SREK1IP1: variants seen among roughly 807,000 people sequenced by gnomAD.
The protein encoded by SREK1IP1 is protein SREK1IP1.
A neutral mutation model predicts 22.8 loss-of-function variants in SREK1IP1; 12 were observed. The observed-to-expected ratio is 0.53, with a 90% CI of 0.34 to 0.85. The LOEUF (loss-of-function observed/expected upper bound fraction) is 0.85, where lower values mean the gene tolerates loss of function less well. SREK1IP1 is among the 40% of genes least tolerant of loss of function. The pLI, the probability that SREK1IP1 is intolerant of heterozygous loss-of-function variation, is 0.02. For missense variants in SREK1IP1, 147 were observed against 171.8 expected (o/e 0.86, Z 0.81); for synonymous variants, 53 against 52.7 (o/e 1.01, Z -0.02).
chr5:64,724,120 C>A lies in SREK1IP1; in HGVS notation c.*264G>T, dbSNP rs1742220583. 2 of 261,812 alleles carry A rather than the reference C, an allele frequency of 7.6e-6. No homozygotes were observed. The highest frequency in any genetic ancestry group is 1.4e-5 in the Non-Finnish European group (2 of 138,638). 16.2% of individuals were successfully genotyped at this position (261,812 alleles called of 1,614,324 possible). On this transcript the variant is annotated 3_prime_UTR_variant, in exon 5 of 5. Transcript: ENST00000513458. ...AACACTAGCCAAACACACAGAGACA[C>A]AAATACCAAAAATGATGTGTTTAGT...
chr5:64,743,573 T>C (rs996967634), intron 2 of SREK1IP1, among the ~76,000 whole-genome samples: 1 of 152,206 alleles, frequency 6.6e-6, no homozygotes, highest in Non-Finnish European at 1.5e-5. Context: ...CTTAAAATTA[T>C]ACAAGTATTG....
chr5:64,756,421 T>C (rs529517704), intron 1 of SREK1IP1, among the ~76,000 whole-genome samples: 2 of 152,306 alleles, frequency 1.3e-5, no homozygotes, highest in South Asian at 4.1e-4. Flanking sequence ...ACAATATTTG[T>C]CTTTTGGGCC....
intron 1 of SREK1IP1, among the ~76,000 whole-genome samples, chr5:64,767,822 G>C (rs148251758): frequency 6.6e-6 from 1 of 152,178 alleles, no homozygotes; most frequent in Non-Finnish European, 1.5e-5. Context: ...CTGGTTTGAG[G>C]AGATGCTTTC....
chr5:64,754,969 T>A (rs540098636), intron 1 of SREK1IP1, among the ~76,000 whole-genome samples: 52 of 152,014 alleles, frequency 3.4e-4, no homozygotes, highest in African/African-American at 1.3e-3. Flanking sequence ...AAGCTCCACA[T>A]CACTAATCAT....
intron 1 of SREK1IP1, among the ~76,000 whole-genome samples, chr5:64,755,900 A>T (rs749802639): frequency 2.0e-5 from 3 of 151,934 alleles, no homozygotes; most frequent in Non-Finnish European, 4.4e-5. Flanking sequence ...CCTGTTTTCC[A>T]TTAGAAGGAA....
intron 4 of SREK1IP1, among the ~76,000 whole-genome samples, chr5:64,727,295 G>A (rs986738629): frequency 9.9e-5 from 15 of 151,512 alleles, no homozygotes; most frequent in Non-Finnish European, 1.6e-4. Flanking sequence ...GAAACTGCAC[G>A]CATTAACAAG....
chr5:64,761,955 TA>T (rs2112116480), intron 1 of SREK1IP1, among the ~76,000 whole-genome samples: 1 of 152,064 alleles, frequency 6.6e-6, no homozygotes, highest in South Asian at 2.1e-4. Flanking sequence ...GGGACAAAAA[TA>T]AAAGGACTGA....
chr5:64,736,206 C>A (rs936868108), intron 3 of SREK1IP1, among the ~76,000 whole-genome samples: 1 of 150,256 alleles, frequency 6.7e-6, no homozygotes, highest in Non-Finnish European at 1.5e-5. Context: ...TTGATAGGTA[C>A]ACTTAAAAAA....
intron 3 of SREK1IP1, among the ~76,000 whole-genome samples, chr5:64,734,696 ATT>A (rs1367694296): frequency 8.9e-6 from 1 of 112,108 alleles, no homozygotes; most frequent in Non-Finnish European, 1.6e-5. Flanking sequence ...TATCTGTAAA[ATT>A]TTAACTTGAT....
intron 1 of SREK1IP1, among the ~76,000 whole-genome samples, chr5:64,767,105 A>C (rs569209647): frequency 3.3e-5 from 5 of 152,156 alleles, no homozygotes; most frequent in Non-Finnish European, 7.4e-5. Flanking sequence ...CATCCATAGA[A>C]AACATCTTTC....
chr5:64,768,614 C>A lies in SREK1IP1; in HGVS notation c.-97G>T, dbSNP rs1252456267. ...CAAGGCACAGTCAAAGCGGCGTTTT[C>A]CTTCCCCCAGCGCAGCAGCACCCTC... On this transcript the variant is annotated 5_prime_UTR_variant, in exon 1 of 5. Transcript: ENST00000513458. The A allele has an allele frequency of 1.9e-6, 3 of 1,580,822 alleles. No individual in the cohort carries two copies. The highest frequency in any genetic ancestry group is 2.6e-6 in the Non-Finnish European group (3 of 1,153,590).
At chr5:64,740,335 GATGTAACTGAGA>G (rs1742532558) in intron 3 of SREK1IP1, among the ~76,000 whole-genome samples, 1 of 152,050 alleles carries the variant, frequency 6.6e-6, no homozygotes, top group Admixed American at 6.6e-5. Flanking sequence ...CTTTTAGTAG[GATGTAACTGAGA>G]TTGCTTATGG....
intron 1 of SREK1IP1, 85 bp downstream of exon 1, chr5:64,768,420 T>C: frequency 2.5e-6 from 4 of 1,576,744 alleles, no homozygotes; most frequent in Non-Finnish European, 3.5e-6. Context: ...CCATGGGCGC[T>C]GCTCCGTACA....
rs1742125976 is a variant in SREK1IP1, at chr5:64,719,807, A to G, written c.*4577T>C. The G allele has an allele frequency of 3.3e-5, 5 of 152,242 alleles. No individual in the cohort carries two copies. 9.4% of individuals were successfully genotyped at this position (152,242 alleles called of 1,614,324 possible). ...TCTCTGCCACTCTACCTATTTTTAG[A>G]GGAGTTGGGAGGAGATACTGAGATC... On this transcript the variant is annotated 3_prime_UTR_variant, in exon 5 of 5. Transcript: ENST00000513458.
chr5:64,734,357 T>A (rs1215593460), intron 3 of SREK1IP1, among the ~76,000 whole-genome samples: 5 of 152,108 alleles, frequency 3.3e-5, no homozygotes, highest in African/African-American at 1.2e-4. Flanking sequence ...GTGTTTTGGC[T>A]TTTCTAGGTT....
intron 2 of SREK1IP1, among the ~76,000 whole-genome samples, chr5:64,744,160 C>T (rs1038216359): frequency 6.6e-6 from 1 of 152,020 alleles, no homozygotes; most frequent in Non-Finnish European, 1.5e-5. Flanking sequence ...AACATGTGTA[C>T]AACTCCAGTA....
chr5:64,754,421 T>TAA, intron 1 of SREK1IP1, 59 bp from the exon 2 acceptor site: 1 of 1,515,712 alleles, frequency 6.6e-7, no homozygotes, highest in Non-Finnish European at 9.1e-7. Flanking sequence ...ACTTAAAAAC[T>TAA]TTATTGTATG....
At chr5:64,739,256 A>G (rs528515026) in intron 3 of SREK1IP1, among the ~76,000 whole-genome samples, 7 of 152,278 alleles carry the variant, frequency 4.6e-5, no homozygotes, top group Admixed American at 3.3e-4. Context: ...AAATAGGTGA[A>G]GAAAGTTCTC....
chr5:64,742,139 T>C (rs888605736), intron 2 of SREK1IP1, among the ~76,000 whole-genome samples: 1 of 152,174 alleles, frequency 6.6e-6, no homozygotes, highest in African/African-American at 2.4e-5. Context: ...GTGATTTATC[T>C]ATGTTAACAT....
Sources: allele counts gnomAD v4.1 joint callset (sites outside exome capture counted in the v4.1 genomes callset), GRCh38; gene constraint gnomAD v4.1.1; transcripts MANE v1.5; gene names NCBI Gene and HGNC (gene_info 2026-07-23, HGNC 2026-07-21).